Variants in HDAC9 observed in about 807,000 individuals in gnomAD.
The protein encoded by HDAC9 is MEF-2 interacting transcription repressor (MITR) protein.
A neutral mutation model predicts 139.4 loss-of-function variants in HDAC9; 41 were observed. The observed-to-expected ratio is 0.29, with a 90% CI of 0.23 to 0.38. The LOEUF is 0.38. Among genes scored for constraint, HDAC9 ranks in the 10% least tolerant of loss-of-function variants. The pLI is 1.00. For synonymous variants in HDAC9, 517 were observed against 476.2 expected (o/e 1.09, Z -1.12); for missense variants, 1,147 against 1,297.0 (o/e 0.88, Z 1.78).
chr7:18,666,594 T>C (rs1584786098), intron 12 of HDAC9, 118 bp downstream of exon 12: 1 of 1,492,042 alleles, frequency 6.7e-7, no homozygotes, highest in Middle Eastern at 1.9e-4. Flanking sequence ...TCTCTATGAT[T>C]TGAGTTCAGT....
chr7:18,345,931 A>G (rs2128667469), intron 1 of HDAC9, among the ~76,000 whole-genome samples: 1 of 152,186 alleles, frequency 6.6e-6, no homozygotes, highest in Non-Finnish European at 1.5e-5. Context: ...AGCCGCATGT[A>G]TAGTACATTT....
Position 18,198,218 on chromosome 7 carries a change from G to A in HDAC9, c.25+35869G>A, listed in dbSNP as rs115714317. Among the ~76,000 whole-genome samples the A allele has an allele frequency of 5.3e-3, 811 of 151,668 alleles. 5 individuals are homozygous for A. The highest frequency in any genetic ancestry group is 0.016 in the African/African-American group (660 of 41,350). On this transcript the variant is annotated intron_variant, in intron 2 of 12. Transcript: ENST00000417496. ...CAGCTTTGGACTAAAAATTTTCTTC[G>A]CAAAATATTAAAGGTGTGACTTTTA...
chr7:18,424,778 G>T (rs1037398110), intron 1 of HDAC9, among the ~76,000 whole-genome samples: 3 of 152,110 alleles, frequency 2.0e-5, no homozygotes, highest in African/African-American at 7.2e-5. Context: ...GGGCGTGATG[G>T]CACGTGCCCA....
At chr7:18,544,046 A>G (rs984538342) in intron 2 of HDAC9, among the ~76,000 whole-genome samples, 1 of 152,208 alleles carries the variant, frequency 6.6e-6, no homozygotes, top group African/African-American at 2.4e-5. Flanking sequence ...ACATGATCTT[A>G]TTTACGTAGT....
intron 12 of HDAC9, among the ~76,000 whole-genome samples, chr7:18,671,975 GTTTTCACT>G (rs1177222909): frequency 1.3e-5 from 2 of 151,900 alleles, no homozygotes; most frequent in Non-Finnish European, 2.9e-5. Context: ...TGAACACACA[GTTTTCACT>G]TTTTTGTCTA....
Position 18,634,615 on chromosome 7 carries a change from A to C in HDAC9, c.797-12A>C. 1 of 1,520,652 alleles carries C rather than the reference A, an allele frequency of 6.6e-7. No homozygotes were observed. Among genetic ancestry groups the C allele is most frequent in the Non-Finnish European group, 9.0e-7 (1 of 1,113,228 alleles). The allele number at this position is 1,520,652 out of a possible 1,614,324, so 94.2% of individuals were successfully genotyped here. A position where few individuals can be genotyped will look rare whatever the true frequency, so the allele number is the denominator to read the frequency against. ...CCTCATGAACACATTTGTACTTCAC[A>C]ATATTTTTCAGAATCCTCAGTCAGT... On this transcript the variant is annotated splice_polypyrimidine_tract_variant and intron_variant, in intron 7 of 25. Coordinates refer to ENST00000686413, the MANE Select transcript of HDAC9 (RefSeq NM_178425.4).
intron 12 of HDAC9, among the ~76,000 whole-genome samples, chr7:18,671,286 A>G (rs1795662859): frequency 1.3e-5 from 2 of 152,048 alleles, no homozygotes; most frequent in Non-Finnish European, 2.9e-5. Context: ...AGAAAGATGC[A>G]TAACAATCCT....
chr7:18,585,268 T>C lies in HDAC9; in HGVS notation c.23-13T>C. 1 of 1,610,736 alleles carries C rather than the reference T, an allele frequency of 6.2e-7. No homozygotes were observed. Among genetic ancestry groups the C allele is most frequent in the Non-Finnish European group, 8.5e-7 (1 of 1,178,032 alleles). On this transcript the variant is annotated splice_polypyrimidine_tract_variant and intron_variant, in intron 2 of 25. Coordinates refer to ENST00000686413, the MANE Select transcript of HDAC9 (RefSeq NM_178425.4). ...CTCCCCCACCCCATTTCCCTTTTTT[T>C]CTGGTTCTTTAGTGGATGTGAAGTC... is the stretch of plus-strand genomic sequence containing the variant.
chr7:18,247,931 A>G (rs1275328291), intron 2 of HDAC9, among the ~76,000 whole-genome samples: 2 of 152,190 alleles, frequency 1.3e-5, no homozygotes, highest in Non-Finnish European at 1.5e-5. Context: ...TACTTTTTAT[A>G]GGTTAGCTTA....
At chr7:18,879,863 G>A (rs1400466826) in intron 22 of HDAC9, among the ~76,000 whole-genome samples, 1 of 151,912 alleles carries the variant, frequency 6.6e-6, no homozygotes, top group Non-Finnish European at 1.5e-5. Context: ...CTATGAACAG[G>A]GTTAACAGAC....
At position 18,829,489 on chromosome 7, in the gene HDAC9, A is replaced by T; in HGVS notation, c.2407A>T (p.Ile803Phe). 3 of 1,612,650 alleles carry T rather than the reference A, an allele frequency of 1.9e-6. No individual in the cohort carries two copies. Among genetic ancestry groups the T allele is most frequent in the Non-Finnish European group, 2.5e-6 (3 of 1,178,808 alleles). Residue 803 changes from isoleucine (I) to phenylalanine (F), a missense_variant, in exon 19 of 26, where the codon ATT (isoleucine) becomes TTT (phenylalanine). By Grantham distance (21) the Ile-to-Phe change is conservative. This residue lies in a region of HDAC9 where 407 missense variants were observed against 521.5 expected (regional missense o/e 0.78). Coordinates refer to ENST00000686413, the MANE Select transcript of HDAC9 (RefSeq NM_178425.4). ...MGFCFFNSVAITAKYLRDQLN... is the reference protein window; with the variant it reads ...MGFCFFNSVAFTAKYLRDQLN... ...GTTCTGCTTTTTTAATTCAGTTGCA[A>T]TTACCGCCAAATACTTGAGAGACCA... is the stretch of plus-strand genomic sequence containing the variant.
chr7:18,984,294 T>C (rs998731451), intron 25 of HDAC9, among the ~76,000 whole-genome samples: 2 of 151,926 alleles, frequency 1.3e-5, no homozygotes, highest in African/African-American at 4.8e-5. Context: ...AGTGCAAACT[T>C]TGGGAAAGGA....
chr7:18,815,724 G>A (rs1794514919), intron 17 of HDAC9, among the ~76,000 whole-genome samples: 1 of 152,184 alleles, frequency 6.6e-6, no homozygotes, highest in Non-Finnish European at 1.5e-5. Context: ...CTGTGCATAG[G>A]CTTTGGGATC....
chr7:18,433,511 TCAAAAGCTATAGTCTCTGCC>T (rs1790877206), intron 1 of HDAC9, among the ~76,000 whole-genome samples: 1 of 152,022 alleles, frequency 6.6e-6, no homozygotes, highest in Non-Finnish European at 1.5e-5. Flanking sequence ...TAGTCTCTGC[TCAAAAGCTATAGTCTCTGCC>T]CAAAAGCTCC....
In HDAC9 at chr7:18,225,266, A is replaced by G. The variant is rs112430035; in HGVS notation, c.25+62917A>G. 7.1e-3 allele frequency among the ~76,000 whole-genome samples: 1,083 copies of G among 152,330 alleles called. 12 individuals are homozygous for G. Among genetic ancestry groups the G allele is most frequent in the African/African-American group, 0.025 (1,023 of 41,578 alleles). On this transcript the variant is annotated intron_variant, in intron 2 of 12. Coordinates refer to the HDAC9 transcript ENST00000417496. Reference sequence around the variant, plus strand: ...TAAAGAGAGAAGTTATACACTGAGTATGCCAAAATGACCACATGCTTCACA... The same window carrying G: ...TAAAGAGAGAAGTTATACACTGAGTGTGCCAAAATGACCACATGCTTCACA...
At chr7:18,929,228 G>A (rs1017701933) in intron 22 of HDAC9, among the ~76,000 whole-genome samples, 41 of 151,974 alleles carry the variant, frequency 2.7e-4, no homozygotes, top group African/African-American at 9.4e-4. Context: ...TGATTTCTTA[G>A]CAGAAACCAA....
chr7:18,687,496 A>G (rs1187879850), intron 12 of HDAC9, among the ~76,000 whole-genome samples: 1 of 151,938 alleles, frequency 6.6e-6, no homozygotes, highest in Non-Finnish European at 1.5e-5. Flanking sequence ...TGGGATAAAT[A>G]ACATCTATAC....
chr7:18,822,382 C>G (rs908500497), intron 17 of HDAC9, among the ~76,000 whole-genome samples: 1 of 152,004 alleles, frequency 6.6e-6, no homozygotes, highest in Admixed American at 6.6e-5. Flanking sequence ...GAGATGGAGT[C>G]TCACTCTTGT....
chr7:18,579,610 A>G (rs956863763), intron 2 of HDAC9, among the ~76,000 whole-genome samples: 2 of 152,222 alleles, frequency 1.3e-5, no homozygotes, highest in Non-Finnish European at 2.9e-5. Context: ...CCAGGTAAAA[A>G]TAACGTAGGA....
Sources: allele counts gnomAD v4.1 joint callset (sites outside exome capture counted in the v4.1 genomes callset), GRCh38; gene constraint gnomAD v4.1.1; regional missense constraint gnomAD v4.1.1; transcripts MANE v1.5; gene names NCBI Gene and HGNC (gene_info 2026-07-23, HGNC 2026-07-21).